Variants in CEP83 observed in about 807,000 individuals in gnomAD.
CEP83 encodes the protein centrosomal protein of 83 kDa.
A neutral mutation model predicts 101.9 loss-of-function variants in CEP83; 70 were observed. That is an observed-to-expected ratio of 0.69 (90% CI 0.57 to 0.84). The LOEUF (loss-of-function observed/expected upper bound fraction) is 0.84, where lower values mean the gene tolerates loss of function less well. Among genes scored for constraint, CEP83 ranks in the 40% least tolerant of loss-of-function variants. The pLI is 0.00. For synonymous variants in CEP83, 264 were observed against 267.9 expected (o/e 0.99, Z 0.14); for missense variants, 715 against 787.2 (o/e 0.91, Z 1.10).
chr12:94,444,274 C>G (rs530486883), intron 1 of CEP83, among the ~76,000 whole-genome samples: 1 of 152,174 alleles, frequency 6.6e-6, no homozygotes, highest in African/African-American at 2.4e-5. Flanking sequence ...TGGCAAGCAC[C>G]TGTAATCCCA....
At chr12:94,418,380 T>C (rs1240876064) in intron 2 of CEP83, among the ~76,000 whole-genome samples, 1 of 151,346 alleles carries the variant, frequency 6.6e-6, no homozygotes, top group Non-Finnish European at 1.5e-5. Flanking sequence ...AAGAAAAAAA[T>C]ACAATGACCA....
At chr12:94,324,819 C>T (rs775022034) in intron 14 of CEP83, among the ~76,000 whole-genome samples, 3 of 152,226 alleles carry the variant, frequency 2.0e-5, no homozygotes, top group Non-Finnish European at 4.4e-5. Context: ...TGCCCCTCTA[C>T]ACAACAGCCA....
intron 2 of CEP83, chr12:94,434,064 C>T (rs1386021682): frequency 6.6e-6 from 1 of 151,958 alleles, no homozygotes; most frequent in Non-Finnish European, 1.5e-5. Context: ...CTGTCGGGAA[C>T]AAAGACATAA....
intron 1 of CEP83, among the ~76,000 whole-genome samples, chr12:94,452,678 T>G (rs1252019447): frequency 1.3e-5 from 2 of 152,060 alleles, no homozygotes; most frequent in African/African-American, 4.8e-5. Flanking sequence ...GAGGAAGATA[T>G]CAAAGAAAAG....
chr12:94,298,867 ATAGT>A, the CEP83 span: 35 of 1,394,190 alleles, frequency 2.5e-5, no homozygotes, highest in South Asian at 3.8e-4. Flanking sequence ...AAAGACATAG[ATAGT>A]TATAGAAGGA....
intron 1 of CEP83, among the ~76,000 whole-genome samples, chr12:94,446,907 A>G (rs1368334179): frequency 2.6e-5 from 4 of 152,202 alleles, no homozygotes; most frequent in Non-Finnish European, 4.4e-5. Context: ...AGAAACCTGC[A>G]AATGCTGAAA....
chr12:94,322,767 C>T (rs2058803611), intron 14 of CEP83, among the ~76,000 whole-genome samples: 1 of 152,166 alleles, frequency 6.6e-6, no homozygotes, highest in Admixed American at 6.5e-5. Context: ...CTCAGACTCC[C>T]TAGAGCCCAA....
At chr12:94,325,646 T>C (rs1004232979) in intron 14 of CEP83, among the ~76,000 whole-genome samples, 2 of 152,144 alleles carry the variant, frequency 1.3e-5, no homozygotes, top group African/African-American at 4.8e-5. Context: ...AACAGATATG[T>C]TGAGTAAATT....
At chr12:94,393,707 T>C (rs1403366734) in intron 6 of CEP83, among the ~76,000 whole-genome samples, 2 of 152,234 alleles carry the variant, frequency 1.3e-5, no homozygotes, top group East Asian at 1.9e-4. Flanking sequence ...GATGATATGA[T>C]TGTATATTTA....
the CEP83 span, chr12:94,298,769 C>T: frequency 1.9e-5 from 31 of 1,611,272 alleles, no homozygotes; most frequent in South Asian, 4.4e-5. Flanking sequence ...CAGATCCTGA[C>T]GTCGTACATA....
intron 2 of CEP83, among the ~76,000 whole-genome samples, chr12:94,421,650 C>T (rs1163326716): frequency 6.6e-6 from 1 of 152,136 alleles, no homozygotes; most frequent in Non-Finnish European, 1.5e-5. Flanking sequence ...CAAGGATATG[C>T]TCTGATAAAC....
intron 11 of CEP83, among the ~76,000 whole-genome samples, chr12:94,352,700 A>AT (rs2136794298): frequency 6.6e-6 from 1 of 152,260 alleles, no homozygotes; most frequent in East Asian, 1.9e-4. Context: ...CATGAACAAA[A>AT]TTAAAAATAC....
Position 94,433,406 on chromosome 12 carries a change from C to T in CEP83, c.-102+1869G>A, listed in dbSNP as rs150350590. Among the ~76,000 whole-genome samples the T allele has an allele frequency of 2.7e-3, 414 of 152,160 alleles. 2 individuals carry two copies. Among genetic ancestry groups the T allele is most frequent in the African/African-American group, 9.7e-3 (403 of 41,516 alleles). On this transcript the variant is annotated intron_variant, in intron 2 of 16. Coordinates refer to ENST00000397809, the MANE Select transcript of CEP83 (RefSeq NM_016122.3). ...TCTTGAAAATTAATTTGAAGCCAGGCGCAGTGGCTCATACCTATAATCCTA... is the reference window on the plus strand; with the variant it reads ...TCTTGAAAATTAATTTGAAGCCAGGTGCAGTGGCTCATACCTATAATCCTA...
At chr12:94,313,563 GCACAGTGGCT>G (rs1970205423) in intron 14 of CEP83, among the ~76,000 whole-genome samples, 1 of 150,292 alleles carries the variant, frequency 6.7e-6, no homozygotes, top group Non-Finnish European at 1.5e-5. Context: ...GGGGAGCCAG[GCACAGTGGCT>G]CACGCCTATA....
chr12:94,362,608 G>A (rs1474152008), intron 11 of CEP83, among the ~76,000 whole-genome samples: 4 of 152,194 alleles, frequency 2.6e-5, no homozygotes, highest in African/African-American at 7.2e-5. Context: ...CTGCACTCCA[G>A]CCTAGGTGAC....
intron 11 of CEP83, among the ~76,000 whole-genome samples, chr12:94,346,489 A>G (rs963625388): frequency 3.9e-5 from 6 of 152,010 alleles, no homozygotes; most frequent in South Asian, 2.1e-4. Context: ...TGGGAAACAT[A>G]AAGTGTTTCC....
chr12:94,312,567 C>T lies in CEP83; in HGVS notation c.1811+347G>A, dbSNP rs1048109929. ...AAATCTCCACACCAGGAAACCAAAA[C>T]TGACCTTTGATTCAAAGTTGTAGGC... On this transcript the variant is annotated intron_variant, in intron 15 of 16. Coordinates refer to ENST00000397809, the MANE Select transcript of CEP83 (RefSeq NM_016122.3). 1.8e-5 allele frequency: 18 copies of T among 985,250 alleles called. No homozygotes were observed. The African/African-American group carries it at 1.9e-4, about 11-fold the overall frequency. 61.0% of individuals were successfully genotyped at this position (985,250 alleles called of 1,614,324 possible).
chr12:94,284,199 G>A, the CEP83 span, among the ~76,000 whole-genome samples: 1 of 151,578 alleles, frequency 6.6e-6, no homozygotes, highest in African/African-American at 2.4e-5. Context: ...TCAGAATCTT[G>A]TAGCCTCCAG....
intron 6 of CEP83, among the ~76,000 whole-genome samples, chr12:94,379,577 C>G (rs1593548812): frequency 6.6e-6 from 1 of 152,174 alleles, no homozygotes; most frequent in East Asian, 1.9e-4. Flanking sequence ...GTAATGATGG[C>G]CTAGTTCTTA....
Sources: allele counts gnomAD v4.1 joint callset (sites outside exome capture counted in the v4.1 genomes callset), GRCh38; gene constraint gnomAD v4.1.1; transcripts MANE v1.5; gene names NCBI Gene and HGNC (gene_info 2026-07-23, HGNC 2026-07-21).